Variants in CCDC102B observed in about 807,000 individuals in gnomAD.
The protein encoded by CCDC102B is coiled-coil domain containing 102B.
CCDC102B carries 75 observed loss-of-function variants against 57.4 expected under a neutral mutation model. The ratio of observed to expected loss-of-function variants is 1.31; its 90% CI spans 1.08 to 1.58. The LOEUF is 1.58. Ranked by LOEUF, CCDC102B falls within the 40% of genes most tolerant of loss-of-function variation. The pLI, the probability that CCDC102B is intolerant of heterozygous loss-of-function variation, is 0.00. For synonymous variants in CCDC102B, 206 were observed against 201.9 expected, an observed-to-expected ratio of 1.02 and a Z score of -0.17; for missense variants, 636 against 582.6, an observed-to-expected ratio of 1.09 and a Z score of -0.94.
intron 6 of CCDC102B, among the ~76,000 whole-genome samples, chr18:68,994,088 G>A (rs1329599676): frequency 2.5e-5 from 3 of 121,790 alleles, no homozygotes; most frequent in South Asian, 3.3e-4. Flanking sequence ...TGTATATGTT[G>A]GACATTTATT....
rs1040761073 is a variant in CCDC102B, at chr18:69,055,131, C to T, written c.*994C>T. 4.2e-6 allele frequency: 4 copies of T among 963,610 alleles called. No individual in the cohort carries two copies. In the East Asian group the frequency reaches 4.6e-4, roughly 112 times the overall value. 59.7% of individuals were successfully genotyped at this position (963,610 alleles called of 1,614,324 possible). A position where few individuals can be genotyped will look rare whatever the true frequency, so the allele number is the denominator to read the frequency against. ...CTCATCTCCCCCTCCATTGATTAGC[C>T]AAAAAAAAATGAAATCTTACTAATT... On this transcript the variant is annotated 3_prime_UTR_variant, in exon 8 of 8. Coordinates refer to ENST00000360242, the MANE Select transcript of CCDC102B (RefSeq NM_024781.3).
intron 6 of CCDC102B, among the ~76,000 whole-genome samples, chr18:68,967,314 A>G (rs996271908): frequency 3.3e-5 from 5 of 152,176 alleles, no homozygotes; most frequent in Non-Finnish European, 7.3e-5. Flanking sequence ...TAAATTGCCT[A>G]GTTAATATAA....
chr18:68,861,443 TG>T (rs1280800006), intron 4 of CCDC102B, among the ~76,000 whole-genome samples: 2 of 152,224 alleles, frequency 1.3e-5, no homozygotes, highest in Non-Finnish European at 2.9e-5. Context: ...ACCTTTGTTC[TG>T]AGTACTATTC....
intron 2 of CCDC102B, among the ~76,000 whole-genome samples, chr18:68,740,674 A>G (rs1447007922): frequency 2.6e-5 from 4 of 152,172 alleles, no homozygotes; most frequent in African/African-American, 7.2e-5. Context: ...TCGCATGAGT[A>G]ACCCAGTGCT....
intron 5 of CCDC102B, among the ~76,000 whole-genome samples, chr18:68,894,695 A>G (rs1224813118): frequency 6.6e-6 from 1 of 151,808 alleles, no homozygotes. Context: ...ATTTTATAAG[A>G]CTTTTACTTT....
intron 1 of CCDC102B, among the ~76,000 whole-genome samples, chr18:68,834,882 A>G (rs188207686): frequency 2.0e-5 from 3 of 152,136 alleles, no homozygotes; most frequent in Admixed American, 6.5e-5. Flanking sequence ...AGTTGATTAA[A>G]TAGATGGGTC....
chr18:68,728,104 A>G (rs2032682536), intron 2 of CCDC102B, among the ~76,000 whole-genome samples: 1 of 152,178 alleles, frequency 6.6e-6, no homozygotes, highest in African/African-American at 2.4e-5. Context: ...GGGTCTATGA[A>G]ATGAGTGGAC....
chr18:68,916,139 A>G (rs2041065155), intron 6 of CCDC102B, among the ~76,000 whole-genome samples: 1 of 144,520 alleles, frequency 6.9e-6, no homozygotes, highest in Admixed American at 7.0e-5. Context: ...TTGGTTGTAG[A>G]TAAGAGAATA....
intron 1 of CCDC102B, among the ~76,000 whole-genome samples, chr18:68,823,644 G>T (rs559421343): frequency 1.3e-5 from 2 of 152,202 alleles, no homozygotes; most frequent in South Asian, 4.1e-4. Context: ...TGCTTTCCAT[G>T]GTGGCTGAAC....
chr18:68,783,873 TA>T (rs1441121080), intron 2 of CCDC102B, among the ~76,000 whole-genome samples: 1 of 152,212 alleles, frequency 6.6e-6, no homozygotes, highest in Non-Finnish European at 1.5e-5. Flanking sequence ...AGTCTGCTGA[TA>T]ACATTTATGA....
chr18:68,749,683 C>T (rs892018237), intron 2 of CCDC102B, among the ~76,000 whole-genome samples: 8 of 152,220 alleles, frequency 5.3e-5, no homozygotes, highest in South Asian at 2.1e-4. Context: ...TGGGCTGAGA[C>T]GATGGGGTTT....
At chr18:68,922,543 G>A (rs1260327862) in intron 6 of CCDC102B, among the ~76,000 whole-genome samples, 2 of 152,142 alleles carry the variant, frequency 1.3e-5, no homozygotes, top group Non-Finnish European at 2.9e-5. Context: ...CTGTGCGTTT[G>A]TGCATGCACA....
chr18:69,043,789 T>C (rs185192025), intron 7 of CCDC102B, among the ~76,000 whole-genome samples: 1 of 152,214 alleles, frequency 6.6e-6, no homozygotes, highest in Admixed American at 6.6e-5. Context: ...ACAGACACAG[T>C]AACAATCTGA....
In CCDC102B at chr18:69,047,147, G is replaced by A. The variant is rs566796992; in HGVS notation, c.1435-6883G>A. On this transcript the variant is annotated intron_variant, in intron 7 of 7. Coordinates refer to ENST00000360242, the MANE Select transcript of CCDC102B (RefSeq NM_024781.3). The stretch of plus-strand genomic sequence containing the variant: ...GCCAATATGCTCAGTGAACATAGAT[G>A]CAAAAAGTCCTCAACAAAATACTCA... 2.8e-4 allele frequency among the ~76,000 whole-genome samples: 42 copies of A among 152,122 alleles called. No individual in the cohort carries two copies. The South Asian group carries it at 8.1e-3, about 29-fold the overall frequency.
chr18:68,893,697 A>G (rs1258474456), intron 5 of CCDC102B, among the ~76,000 whole-genome samples: 3 of 152,144 alleles, frequency 2.0e-5, no homozygotes, highest in Non-Finnish European at 4.4e-5. Flanking sequence ...TACAATTGTC[A>G]GTATCTTTTC....
intron 2 of CCDC102B, among the ~76,000 whole-genome samples, chr18:68,747,790 G>C (rs1399970220): frequency 6.6e-6 from 1 of 151,972 alleles, no homozygotes; most frequent in Non-Finnish European, 1.5e-5. Context: ...TAGGTTGTTG[G>C]GTGTTGGCCA....
chr18:68,949,622 C>T (rs985833949), intron 6 of CCDC102B, among the ~76,000 whole-genome samples: 2 of 152,018 alleles, frequency 1.3e-5, no homozygotes, highest in African/African-American at 4.8e-5. Context: ...TCTGCCTCTG[C>T]TATAATGAAT....
At chr18:68,930,538 G>A (rs947061992) in intron 6 of CCDC102B, among the ~76,000 whole-genome samples, 5 of 151,796 alleles carry the variant, frequency 3.3e-5, no homozygotes, top group African/African-American at 4.8e-5. Context: ...TGACTGCCTC[G>A]GGGCAAAACG....
intron 6 of CCDC102B, among the ~76,000 whole-genome samples, chr18:68,914,138 C>T (rs1432920857): frequency 6.6e-6 from 1 of 152,168 alleles, no homozygotes; most frequent in Non-Finnish European, 1.5e-5. Flanking sequence ...AGTATGTCCT[C>T]AAATAATGTC....
Sources: allele counts gnomAD v4.1 joint callset (sites outside exome capture counted in the v4.1 genomes callset), GRCh38; gene constraint gnomAD v4.1.1; transcripts MANE v1.5; gene names NCBI Gene and HGNC (gene_info 2026-07-23, HGNC 2026-07-21).